Variants in DNAH11 observed in about 807,000 individuals in gnomAD.
The protein encoded by DNAH11 is dynein axonemal heavy chain 11, also known as axonemal beta dynein heavy chain 11.
A neutral mutation model predicts 526.0 loss-of-function variants in DNAH11; 442 were observed. The observed-to-expected ratio is 0.84, with a 90% CI of 0.78 to 0.91. DNAH11 has a LOEUF of 0.91. DNAH11 is among the 40% of genes least tolerant of loss of function. The pLI is 0.00. For synonymous variants in DNAH11, 2,461 were observed against 1,935.9 expected (o/e 1.27, Z -7.12); for missense variants, 6,989 against 5,448.7 (o/e 1.28, Z -8.90).
At chr7:21,672,013 T>A (rs1277963700) in intron 30 of DNAH11, among the ~76,000 whole-genome samples, 1 of 152,174 alleles carries the variant, frequency 6.6e-6, no homozygotes, top group Admixed American at 6.5e-5. Context: ...CAACAACCCA[T>A]GTTCTGATAG....
At chr7:21,576,032 C>G (rs182584297) in intron 8 of DNAH11, among the ~76,000 whole-genome samples, 6 of 152,218 alleles carry the variant, frequency 3.9e-5, no homozygotes, top group Admixed American at 2.0e-4. Context: ...CCCTACTGCT[C>G]CCAGTAAGTG....
At chr7:21,799,278 T>C (rs1249563119) in intron 61 of DNAH11, among the ~76,000 whole-genome samples, 1 of 152,168 alleles carries the variant, frequency 6.6e-6, no homozygotes, top group African/African-American at 2.4e-5. Flanking sequence ...CTGTGCTTGG[T>C]AAAACTATAA....
chr7:21,545,107 A>G lies in DNAH11; in HGVS notation c.453A>G (p.Leu151=). The change falls in exon 2 of 82, where the codon TTA becomes TTG. Residue 151 remains leucine, a synonymous_variant. Coordinates refer to ENST00000409508, the MANE Select transcript of DNAH11 (RefSeq NM_001277115.2). ...DFSQVVLFGE[L]PALSLGHVSA... Reference sequence around the variant, plus strand: ...CTCAAGTGGTTTTATTTGGAGAGTTACCTGCGTTGTCTCTTGGACATGTAT... The same window carrying G: ...CTCAAGTGGTTTTATTTGGAGAGTTGCCTGCGTTGTCTCTTGGACATGTAT... The G allele has an allele frequency of 6.2e-7, 1 of 1,610,770 alleles. No individual in the cohort carries two copies. Among genetic ancestry groups the G allele is most frequent in the Non-Finnish European group, 8.5e-7 (1 of 1,178,282 alleles).
intron 30 of DNAH11, among the ~76,000 whole-genome samples, chr7:21,667,171 C>T (rs1314756747): frequency 3.3e-5 from 5 of 152,098 alleles, no homozygotes; most frequent in African/African-American, 9.7e-5. Context: ...GTAGCAGCTT[C>T]TCTCCCCTGT....
At chr7:21,772,678 G>A (rs1787489879) in intron 55 of DNAH11, among the ~76,000 whole-genome samples, 1 of 152,120 alleles carries the variant, frequency 6.6e-6, no homozygotes, top group Admixed American at 6.6e-5. Flanking sequence ...TTTTGTTTTA[G>A]TAATACATTA....
At chr7:21,892,068 C>G (rs191080132) in intron 76 of DNAH11, among the ~76,000 whole-genome samples, 1 of 152,208 alleles carries the variant, frequency 6.6e-6, no homozygotes, top group East Asian at 1.9e-4. Flanking sequence ...GTCTTGATTT[C>G]CTCTCTGGGA....
At chr7:21,662,645 C>G (rs115832334) in intron 30 of DNAH11, among the ~76,000 whole-genome samples, 177 of 151,934 alleles carry the variant, frequency 1.2e-3, no homozygotes, top group African/African-American at 3.9e-3. Context: ...TAGCACTTTT[C>G]AAAAATATTT....
intron 65 of DNAH11, among the ~76,000 whole-genome samples, chr7:21,837,282 T>C (rs1456484457): frequency 6.6e-6 from 1 of 152,218 alleles, no homozygotes; most frequent in Non-Finnish European, 1.5e-5. Flanking sequence ...ATATCTGCAC[T>C]TGCATGTTTA....
chr7:21,544,485 T>C (rs555645244), intron 1 of DNAH11, among the ~76,000 whole-genome samples: 1 of 152,328 alleles, frequency 6.6e-6, no homozygotes, highest in South Asian at 2.1e-4. Flanking sequence ...AACACAACTC[T>C]AGTATTACCT....
rs3219983 is a variant in DNAH11 at position 21,765,610 on chromosome 7, TCACACACACACACACACACACA to T, written c.9102+49_9102+70del. On this transcript the variant is annotated intron_variant, in intron 55 of 81. Coordinates refer to ENST00000409508, the MANE Select transcript of DNAH11 (RefSeq NM_001277115.2). The stretch of plus-strand genomic sequence containing the variant: ...TTGAGGTATGCCGTGTCAGCCTGCG[TCACACACACACACACACACACA>T]CACACACACACACACACACACACAC... The T allele has an allele frequency of 1.5e-3, 1,450 of 954,324 alleles. 1 individual carries two copies. Among genetic ancestry groups the T allele is most frequent in the East Asian group, 6.6e-3 (235 of 35,746 alleles). 59.1% of individuals were successfully genotyped at this position (954,324 alleles called of 1,614,324 possible). A position where few individuals can be genotyped will look rare whatever the true frequency, so the allele number is the denominator to read the frequency against.
In DNAH11 at chr7:21,710,635, A is replaced by G. The variant is rs765220793; in HGVS notation, c.6766A>G (p.Ile2256Val). ...ANLKHDGPKW[I>V]VLDGDIDPMW... ...TCTTAAGCATGATGGACCAAAATGG[A>G]TAGTCCTGGATGGCGATATTGACCC... Residue 2256 changes from isoleucine to valine, a missense_variant, in exon 41 of 82, where the codon ATA becomes GTA. By Grantham distance (29) the Ile-to-Val change is conservative. Coordinates refer to ENST00000409508, the MANE Select transcript of DNAH11 (RefSeq NM_001277115.2). The G allele has an allele frequency of 5.6e-6, 9 of 1,613,420 alleles. No homozygotes were observed. The East Asian group carries it at 8.9e-5, about 16-fold the overall frequency.
chr7:21,760,562 T>A (rs552423737), intron 54 of DNAH11, among the ~76,000 whole-genome samples: 1 of 152,220 alleles, frequency 6.6e-6, no homozygotes, highest in Non-Finnish European at 1.5e-5. Flanking sequence ...CCTTGATACT[T>A]AGATTTTGAA....
At chr7:21,805,481 C>T (rs1471319982) in intron 62 of DNAH11, among the ~76,000 whole-genome samples, 1 of 151,970 alleles carries the variant, frequency 6.6e-6, no homozygotes, top group Non-Finnish European at 1.5e-5. Flanking sequence ...ATTCTGGAGC[C>T]TTTTGAAGAC....
intron 3 of DNAH11, among the ~76,000 whole-genome samples, 193 bp from the exon 4 acceptor site, chr7:21,559,410 T>A (rs1783354196): frequency 6.6e-6 from 1 of 152,202 alleles, no homozygotes; most frequent in African/African-American, 2.4e-5. Flanking sequence ...TAACAGTGTT[T>A]TTTGAGGTTA....
chr7:21,543,352 A>G lies in DNAH11; in HGVS notation c.107A>G (p.Glu36Gly), dbSNP rs537596387. 1.5e-6 allele frequency: 2 copies of G among 1,305,166 alleles called. No individual in the cohort carries two copies. Among genetic ancestry groups the G allele is most frequent in the South Asian group, 1.5e-5 (1 of 65,808 alleles). The allele number at this position is 1,305,166 out of a possible 1,614,324, so 80.8% of individuals were successfully genotyped here. Residue 36 changes from glutamate to glycine, a missense_variant, in exon 1 of 82, where the codon GAG becomes GGG. Glu to Gly is a moderately conservative substitution (Grantham distance 98). Transcript: ENST00000409508. ...GAGGCAGTGGGCGCTGTGGAGCTCG[A>G]GGAGGAGGAGGAGAACGAGGAGGAG... ...GLEAVGAVEL[E>G]EEEENEEEAA...
rs1319747444 is a variant in DNAH11 at position 21,687,100 on chromosome 7, T to C, written c.5623T>C (p.Cys1875Arg). Residue 1875 changes from cysteine (C) to arginine (R), a missense_variant and splice_region_variant, in exon 33 of 82, where the codon TGT becomes CGT. By Grantham distance (180) the Cys-to-Arg change is radical. Transcript: ENST00000409508. ...RLVITPLTDR[C>R]YITLTQSLHL... is the part of the protein sequence containing the mutation. ...GTTTGTGTTTTCTATTGCTTAAAGG[T>C]GTTATATTACCTTAACTCAATCACT... The C allele has an allele frequency of 6.2e-7, 1 of 1,612,126 alleles. No homozygotes were observed. The highest frequency in any genetic ancestry group is 2.2e-5 in the East Asian group (1 of 44,862).
intron 65 of DNAH11, among the ~76,000 whole-genome samples, chr7:21,825,415 C>T (rs1790241400): frequency 6.6e-6 from 1 of 152,146 alleles, no homozygotes; most frequent in African/African-American, 2.4e-5. Flanking sequence ...AACTTATGCA[C>T]AATCAACTTT....
At chr7:21,670,059 A>G (rs1782584064) in intron 30 of DNAH11, among the ~76,000 whole-genome samples, 1 of 152,170 alleles carries the variant, frequency 6.6e-6, no homozygotes, top group East Asian at 1.9e-4. Context: ...GTTTATTTGT[A>G]CAAACCTAAT....
At chr7:21,668,100 C>G (rs1008951747) in intron 30 of DNAH11, among the ~76,000 whole-genome samples, 10 of 152,048 alleles carry the variant, frequency 6.6e-5, no homozygotes, top group African/African-American at 1.4e-4. Flanking sequence ...AGATAAAATA[C>G]AAAAGAAAAT....
Sources: gnomAD v4.1 joint callset for allele counts (sites outside exome capture counted in the v4.1 genomes callset) on GRCh38, gnomAD v4.1.1 for gene constraint, MANE v1.5 for transcripts, NCBI Gene and HGNC (gene_info 2026-07-23, HGNC 2026-07-21) for gene names.